Variants in STK33 observed in about 807,000 individuals in gnomAD.
The protein encoded by STK33 is serine/threonine-protein kinase 33.
Under a neutral mutation model 58.0 loss-of-function variants are expected in STK33, and 52 were observed. The observed-to-expected ratio is 0.90, with a 90% CI of 0.72 to 1.13. The LOEUF is 1.13. STK33 is among the 50% of genes most tolerant of loss of function. The probability of loss-of-function intolerance (pLI) is 0.00; values close to 1 mark genes in which losing one functional copy is unlikely to be tolerated. For missense variants in STK33, 630 were observed against 604.2 expected, an observed-to-expected ratio of 1.04 and a Z score of -0.45; for synonymous variants, 215 against 200.1, an observed-to-expected ratio of 1.07 and a Z score of -0.63.
chr11:8,343,160 G>A, the STK33 span, among the ~76,000 whole-genome samples: 3 of 152,278 alleles, frequency 2.0e-5, no homozygotes, highest in African/African-American at 7.2e-5. Flanking sequence ...CAGAGCCCCA[G>A]TGGGAGCGTG....
intron 1 of STK33, among the ~76,000 whole-genome samples, chr11:8,536,208 G>A (rs1349423011): frequency 6.6e-6 from 1 of 152,102 alleles, no homozygotes; most frequent in African/African-American, 2.4e-5. Context: ...GGTAATTATA[G>A]TTAACAAAAA....
At chr11:8,553,174 A>ATATATATATATATATATATATGGGG (rs1565346811) in intron 1 of STK33, among the ~76,000 whole-genome samples, 1 of 67,834 alleles carries the variant, frequency 1.5e-5, no homozygotes, top group African/African-American at 7.3e-5. Context: ...TAAAATATAT[A>ATATATATATATATATATATATGGGG]TATATATATA....
chr11:8,495,081 C>A (rs1394196011), intron 1 of STK33, among the ~76,000 whole-genome samples: 1 of 152,040 alleles, frequency 6.6e-6, no homozygotes, highest in South Asian at 2.1e-4. Flanking sequence ...CAACAAAAGC[C>A]GAAATTGACA....
At chr11:8,492,220 C>T (rs548644255) in intron 1 of STK33, among the ~76,000 whole-genome samples, 15 of 151,750 alleles carry the variant, frequency 9.9e-5, no homozygotes, top group Non-Finnish European at 2.2e-4. Flanking sequence ...CAGAGACACA[C>T]ATAGGCTCAA....
chr11:8,489,761 A>G (rs1423064413), intron 1 of STK33, among the ~76,000 whole-genome samples: 1 of 152,226 alleles, frequency 6.6e-6, no homozygotes, highest in East Asian at 1.9e-4. Flanking sequence ...TGATACATAA[A>G]TTATTTTTTT....
In STK33 at chr11:8,428,201, G is replaced by C. The variant is rs534723905; in HGVS notation, c.1146+7293C>G. On this transcript the variant is annotated intron_variant, in intron 14 of 15. Transcript: ENST00000687296. Reference sequence around the variant, plus strand: ...GGAGGCCAAGAGGTAAGAAGTCAATGCCTACAACGAGTTAATTCCCACACA... The same window carrying C: ...GGAGGCCAAGAGGTAAGAAGTCAATCCCTACAACGAGTTAATTCCCACACA... Among the ~76,000 whole-genome samples, 12 of 152,324 alleles carry C rather than the reference G, an allele frequency of 7.9e-5. No homozygotes were observed. The South Asian group carries it at 2.5e-3, about 32-fold the overall frequency.
At chr11:8,495,166 G>C (rs1236964705) in intron 1 of STK33, among the ~76,000 whole-genome samples, 3 of 152,040 alleles carry the variant, frequency 2.0e-5, no homozygotes. Context: ...GCAACCTACA[G>C]AATGGGAGAA....
the STK33 span, among the ~76,000 whole-genome samples, chr11:8,378,386 T>C: frequency 1.3e-3 from 132 of 105,588 alleles, no homozygotes; most frequent in East Asian, 2.6e-3. Flanking sequence ...GGCATGGTGG[T>C]GCATGCCTGT....
chr11:8,482,843 C>A (rs1949922919), intron 1 of STK33, among the ~76,000 whole-genome samples: 1 of 152,026 alleles, frequency 6.6e-6, no homozygotes. Context: ...CATTCTCCTG[C>A]CTCAGCCTCC....
At chr11:8,528,378 TTTTAATGAA>T (rs1389691948) in intron 1 of STK33, among the ~76,000 whole-genome samples, 1 of 152,226 alleles carries the variant, frequency 6.6e-6, no homozygotes, top group East Asian at 1.9e-4. Flanking sequence ...ACTTATGTTA[TTTTAATGAA>T]CCAATGTAAA....
intron 2 of STK33, among the ~76,000 whole-genome samples, chr11:8,477,798 G>A (rs559304605): frequency 2.0e-5 from 3 of 152,000 alleles, no homozygotes; most frequent in Middle Eastern, 3.4e-3. Context: ...GTACTTTCTC[G>A]CTCCAGTCTT....
chr11:8,484,310 C>G (rs572572718), intron 1 of STK33, among the ~76,000 whole-genome samples: 14 of 152,236 alleles, frequency 9.2e-5, no homozygotes, highest in Admixed American at 2.6e-4. Flanking sequence ...GGCTTTATTA[C>G]TGTTGTGCAA....
At chr11:8,519,670 G>T (rs555971519) in intron 1 of STK33, among the ~76,000 whole-genome samples, 2 of 152,178 alleles carry the variant, frequency 1.3e-5, no homozygotes, top group Admixed American at 6.5e-5. Context: ...TATCACCACC[G>T]ATCCCACAGA....
intron 1 of STK33, among the ~76,000 whole-genome samples, chr11:8,551,079 G>T (rs2140566234): frequency 1.3e-5 from 2 of 152,228 alleles, no homozygotes; most frequent in South Asian, 4.2e-4. Flanking sequence ...ATTTTACATG[G>T]ATGGCAGCAG....
At chr11:8,499,956 A>C (rs553795648) in intron 1 of STK33, among the ~76,000 whole-genome samples, 3 of 152,242 alleles carry the variant, frequency 2.0e-5, no homozygotes, top group African/African-American at 7.2e-5. Context: ...GCATTAGGAG[A>C]AATACCTAAT....
intron 15 of STK33, among the ~76,000 whole-genome samples, chr11:8,396,029 C>A (rs934260863): frequency 2.0e-5 from 3 of 152,130 alleles, no homozygotes; most frequent in African/African-American, 7.2e-5. Context: ...CTGGCTACCC[C>A]GAAACAAATC....
At chr11:8,354,485 C>T in the STK33 span, among the ~76,000 whole-genome samples, 1 of 133,592 alleles carries the variant, frequency 7.5e-6, no homozygotes, top group Non-Finnish European at 1.7e-5. Context: ...CACACACACA[C>T]ACACACACAC....
At chr11:8,557,534 T>A (rs11041980) in intron 1 of STK33, among the ~76,000 whole-genome samples, 68,213 of 151,656 alleles carry the variant, frequency 0.45, 15,662 homozygotes, top group South Asian at 0.64. Context: ...ATCTCTCATA[T>A]TTTTACAGAA....
chr11:8,359,296 T>G, the STK33 span, among the ~76,000 whole-genome samples: 1 of 152,204 alleles, frequency 6.6e-6, no homozygotes, highest in Non-Finnish European at 1.5e-5. Flanking sequence ...TTTGCTGTGT[T>G]GAAGGAGAAG....
Sources: allele counts gnomAD v4.1 joint callset (sites outside exome capture counted in the v4.1 genomes callset), GRCh38; gene constraint gnomAD v4.1.1; transcripts MANE v1.5; gene names NCBI Gene and HGNC (gene_info 2026-07-23, HGNC 2026-07-21).